Variants in MYBBP1A observed in about 807,000 individuals in gnomAD.
The protein encoded by MYBBP1A is MYB binding protein 1a.
A neutral mutation model predicts 136.3 loss-of-function variants in MYBBP1A; 147 were observed. The observed-to-expected ratio is 1.08, with a 90% CI of 0.94 to 1.24. The LOEUF is 1.24. MYBBP1A is among the 50% of genes most tolerant of loss of function. The pLI, the probability that MYBBP1A is intolerant of heterozygous loss-of-function variation, is 0.00. For missense variants in MYBBP1A, 2,060 were observed against 1,727.4 expected, an observed-to-expected ratio of 1.19 and a Z score of -3.41; for synonymous variants, 947 against 735.8, an observed-to-expected ratio of 1.29 and a Z score of -4.65.
chr17:4,541,649 A>AGGGACCGTCTCCT, intron 23 of MYBBP1A, 85 bp from the exon 24 acceptor site: 1 of 1,486,500 alleles, frequency 6.7e-7, no homozygotes, highest in Non-Finnish European at 9.3e-7. Flanking sequence ...GCCCAGAGGC[A>AGGGACCGTCTCCT]GGGACCGTCT....
At chr17:4,549,476 C>T in intron 9 of MYBBP1A, 34 bp from the exon 10 acceptor site, 8 of 1,591,130 alleles carry the variant, frequency 5.0e-6, no homozygotes, top group South Asian at 1.1e-5. Flanking sequence ...ATGTGAGCCA[C>T]TTATAACTGG....
Position 4,549,296 on chromosome 17 carries a change from G to A in MYBBP1A, c.1430+36C>T, listed in dbSNP as rs372174482. 726 of 1,592,442 alleles carry A rather than the reference G, an allele frequency of 4.6e-4. 7 individuals are homozygous for A. The South Asian group carries it at 6.9e-3, about 15-fold the overall frequency. ...AAGGGGCCCCATTCCTTGGCCACAC[G>A]CCCATGGGAAGCTGGGAATCCAGCA... On this transcript the variant is annotated intron_variant, in intron 10 of 25. Coordinates refer to ENST00000254718, the MANE Select transcript of MYBBP1A (RefSeq NM_014520.4).
chr17:4,555,266 G>A lies in MYBBP1A; in HGVS notation c.59C>T (p.Ala20Val), dbSNP rs1304625974. 4 of 1,611,198 alleles carry A rather than the reference G, an allele frequency of 2.5e-6. No homozygotes were observed. The highest frequency in any genetic ancestry group is 3.4e-6 in the Non-Finnish European group (4 of 1,179,370). Residue 20 changes from alanine to valine, a missense_variant, in exon 1 of 26, where the codon GCC (alanine) becomes GTC (valine). Ala to Val is a moderately conservative substitution (Grantham distance 64). Transcript: ENST00000254718. ...MSPGEATQSG[A>V]RPADRYGLLK... The stretch of plus-strand genomic sequence containing the variant: ...TAGGCCATAGCGGTCGGCAGGCCGG[G>A]CGCCACTCTGCGTCGCTTCTCCAGG...
Position 4,552,393 on chromosome 17 carries a change from CTGGCCAGATGCAGTCCCT to C in MYBBP1A, c.737+40_737+57del. ...CCCAGGCCAAACGACAAATCTGGGC[CTGGCCAGATGCAGTCCCT>C]TGGCCCCAGGGAGGGCAAATCCGCC... is the stretch of plus-strand genomic sequence containing the variant. On this transcript the variant is annotated intron_variant, in intron 6 of 25. Transcript: ENST00000254718. This position sits in a 1 kb window ranked among gnomAD's most constrained non-coding sequence, Gnocchi z 4.7. 2 of 1,603,868 alleles carry C rather than the reference CTGGCCAGATGCAGTCCCT, an allele frequency of 1.2e-6. No individual in the cohort carries two copies. The highest frequency in any genetic ancestry group is 1.7e-6 in the Non-Finnish European group (2 of 1,175,478).
At position 4,541,863 on chromosome 17, in the gene MYBBP1A, G is replaced by T; in HGVS notation, c.3116C>A (p.Ser1039Tyr). Reference protein sequence around the residue: ...QACLLLQKTLSMREVRSCFED... With the variant: ...QACLLLQKTLYMREVRSCFED... ...AAAGCACGACCTCACCTCCCGCATG[G>T]ACAGGGTCTTCTGGAGCAGCAGGCA... The change falls in exon 23 of 26, where the codon TCC (serine) becomes TAC (tyrosine). Residue 1039 changes from serine (S) to tyrosine (Y), a missense_variant. Coordinates refer to ENST00000254718, the MANE Select transcript of MYBBP1A (RefSeq NM_014520.4). 6.2e-7 allele frequency: 1 copy of T among 1,613,976 alleles called. No individual in the cohort carries two copies.
intron 13 of MYBBP1A, among the ~76,000 whole-genome samples, chr17:4,546,997 C>T (rs779948223): frequency 1.3e-5 from 2 of 151,742 alleles, no homozygotes; most frequent in African/African-American, 4.8e-5. Context: ...CTGCAACCTC[C>T]GCCTCCCAGG....
At position 4,540,350 on chromosome 17, in the gene MYBBP1A, G is replaced by T; in HGVS notation, c.3432C>A (p.Val1144=). The part of the protein sequence containing the change: ...LYWQAMKTLG[V]QRPKLEKKDA... ...TGTGTCCCCCTCCCAGAACCTACTG[G>T]ACTCCCAGGGTTTTCATGGCCTGCC... Residue 1144 remains valine, a splice_region_variant and synonymous_variant, in exon 25 of 26, where the codon GTC becomes GTA. Transcript: ENST00000254718. The T allele has an allele frequency of 6.2e-7, 1 of 1,605,472 alleles. No individual in the cohort carries two copies. The highest frequency in any genetic ancestry group is 1.1e-5 in the South Asian group (1 of 90,842).
At position 4,540,274 on chromosome 17, in the gene MYBBP1A, G is replaced by A. The variant is rs562856808; in HGVS notation, c.3434+74C>T. 67 of 1,389,080 alleles carry A rather than the reference G, an allele frequency of 4.8e-5. No individual in the cohort carries two copies. The East Asian group carries it at 5.0e-4, about 10-fold the overall frequency. The allele number at this position is 1,389,080 out of a possible 1,614,324, so 86.0% of individuals were successfully genotyped here. A position where few individuals can be genotyped will look rare whatever the true frequency, so the allele number is the denominator to read the frequency against. On this transcript the variant is annotated intron_variant, in intron 25 of 25. Transcript: ENST00000254718. ...GCGTGTGCAGCAGCGTGTGTGCAGC[G>A]TGTGTGTGTGTGCAGCAGCGTGAGG... is the stretch of plus-strand genomic sequence containing the variant.
At chr17:4,542,250 C>T (rs563831130) in intron 22 of MYBBP1A, 2 of 607,380 alleles carry the variant, frequency 3.3e-6, no homozygotes, top group African/African-American at 1.9e-5. Context: ...GCTGGCCCTG[C>T]CCCCTCAGCT....
rs1204941874 is a variant in MYBBP1A at position 4,555,202 on chromosome 17, G to A, written c.123C>T (p.Asp41=). ...HSREFLDFFW[D]IAKPEQETRL... ...GCGTCTCCTGCTCAGGCTTCGCAAT[G>A]TCCCAGAAGAAGTCCAAGAACTCGC... The change falls in exon 1 of 26, where the codon GAC becomes GAT. Residue 41 remains aspartate (D), a synonymous_variant. Coordinates refer to ENST00000254718, the MANE Select transcript of MYBBP1A (RefSeq NM_014520.4). 1.2e-6 allele frequency: 2 copies of A among 1,610,592 alleles called. No homozygotes were observed. Among genetic ancestry groups the A allele is most frequent in the Middle Eastern group, 1.7e-4 (1 of 6,058 alleles).
rs532627618 is a variant in MYBBP1A at position 4,549,310 on chromosome 17, G to A, written c.1430+22C>T. ...CTTGGCCACACGCCCATGGGAAGCT[G>A]GGAATCCAGCACAGCTCGCACCTGG... On this transcript the variant is annotated intron_variant, in intron 10 of 25. Coordinates refer to ENST00000254718, the MANE Select transcript of MYBBP1A (RefSeq NM_014520.4). 6 of 1,603,948 alleles carry A rather than the reference G, an allele frequency of 3.7e-6. No homozygotes were observed. In the East Asian group the frequency reaches 1.3e-4, roughly 36 times the overall value.
rs762558314 is a variant in MYBBP1A, at chr17:4,539,379, A to G, written c.*36T>C. 6.5e-7 allele frequency: 1 copy of G among 1,537,816 alleles called. No individual in the cohort carries two copies. The highest frequency in any genetic ancestry group is 1.2e-5 in the South Asian group (1 of 80,028). ...AAAAAAAAATAGGCGTCTCAGGCAGATGGAGGCAGGGGCTGAGGGGGGCCC... is the reference window on the plus strand; with the variant it reads ...AAAAAAAAATAGGCGTCTCAGGCAGGTGGAGGCAGGGGCTGAGGGGGGCCC... On this transcript the variant is annotated 3_prime_UTR_variant, in exon 26 of 26. Transcript: ENST00000254718.
chr17:4,552,561 G>T lies in MYBBP1A; in HGVS notation c.627C>A (p.Leu209=), dbSNP rs1454389610. Residue 209 remains leucine (L), a synonymous_variant, in exon 6 of 26, where the codon CTC becomes CTA. Coordinates refer to ENST00000254718, the MANE Select transcript of MYBBP1A (RefSeq NM_014520.4). This position sits in a 1 kb window ranked among gnomAD's most constrained non-coding sequence, Gnocchi z 4.7. ...AGAGCTCTAGCTGTTCAGGGGAGCT[G>T]AGTATTATATTCAAGTCGGCTTTGA... ...EVLKADLNII[L]SSPEQLELFL... 6 of 1,613,930 alleles carry T rather than the reference G, an allele frequency of 3.7e-6. No individual in the cohort carries two copies. The highest frequency in any genetic ancestry group is 5.1e-6 in the Non-Finnish European group (6 of 1,180,032).
In MYBBP1A at chr17:4,542,968, G is replaced by T; in HGVS notation, c.2837C>A (p.Thr946Lys). 6.2e-7 allele frequency: 1 copy of T among 1,614,066 alleles called. No individual in the cohort carries two copies. Among genetic ancestry groups the T allele is most frequent in the Non-Finnish European group, 8.5e-7 (1 of 1,179,994 alleles). The change falls in exon 20 of 26, where the codon ACA becomes AAA. Residue 946 changes from threonine (T) to lysine (K), a missense_variant. Physicochemically the swap from Thr to Lys is moderately conservative, Grantham distance 78. Transcript: ENST00000254718. Reference sequence around the variant, plus strand: ...AGTGCCAGCTTTCTGCTTCTCCTGTGTCTCATGCACGCAGCCCTCAGCAGT... The same window carrying T: ...AGTGCCAGCTTTCTGCTTCTCCTGTTTCTCATGCACGCAGCCCTCAGCAGT... ...GNTAEGCVHE[T>K]QEKQKAGTDP...
chr17:4,541,999 G>C, intron 22 of MYBBP1A, 108 bp from the exon 23 acceptor site: 1 of 786,966 alleles, frequency 1.3e-6, no homozygotes, highest in Non-Finnish European at 2.1e-6. Context: ...TGGGCAGCGT[G>C]TGAGGCTGCC....
intron 19 of MYBBP1A, among the ~76,000 whole-genome samples, chr17:4,544,175 G>C (rs1057095959): frequency 6.6e-6 from 1 of 150,844 alleles, no homozygotes; most frequent in Non-Finnish European, 1.5e-5. Context: ...ACTTGAGACT[G>C]TCAAGGGCAG....
chr17:4,545,568 T>C (rs1355501298), intron 15 of MYBBP1A, 42 bp downstream of exon 15: 3 of 1,541,600 alleles, frequency 1.9e-6, no homozygotes, highest in South Asian at 1.3e-5. Context: ...CGCTGCTCAG[T>C]GAGCCCCAGC....
rs74638885 is a variant in MYBBP1A at position 4,540,263 on chromosome 17, G to A, written c.3434+85C>T. 15,313 of 1,478,290 alleles carry A rather than the reference G, an allele frequency of 0.01. 755 individuals are homozygous for A. The African/African-American group carries it at 0.15, about 14-fold the overall frequency. The allele number at this position is 1,478,290 out of a possible 1,614,324, so 91.6% of individuals were successfully genotyped here. A position where few individuals can be genotyped will look rare whatever the true frequency, so the allele number is the denominator to read the frequency against. ...GTGTGCAGTGTGCGTGTGCAGCAGC[G>A]TGTGTGCAGCGTGTGTGTGTGTGCA... On this transcript the variant is annotated intron_variant, in intron 25 of 25. Transcript: ENST00000254718.
At chr17:4,544,973 T>C (rs772444469) in intron 17 of MYBBP1A, 52 bp from the exon 18 acceptor site, 18 of 1,549,618 alleles carry the variant, frequency 1.2e-5, no homozygotes, top group Non-Finnish European at 8.7e-7. Flanking sequence ...GCACACAACA[T>C]GGGGACACCC....
Sources: allele counts gnomAD v4.1 joint callset (sites outside exome capture counted in the v4.1 genomes callset), GRCh38; gene constraint gnomAD v4.1.1; non-coding constraint Gnocchi (gnomAD v3.1); transcripts MANE v1.5; gene names NCBI Gene and HGNC (gene_info 2026-07-23, HGNC 2026-07-21).